Variants in XRCC4 observed in about 807,000 individuals in gnomAD.
XRCC4 encodes X-ray repair cross complementing 4.
A neutral mutation model predicts 39.1 loss-of-function variants in XRCC4; 28 were observed. The ratio of observed to expected loss-of-function variants is 0.72; its 90% confidence interval spans 0.53 to 0.98. The LOEUF is 0.98. Among genes scored for constraint, XRCC4 ranks in the 50% least tolerant of loss-of-function variants. The pLI is 0.00. For missense variants in XRCC4, 350 were observed against 376.4 expected (o/e 0.93, Z 0.58); for synonymous variants, 123 against 126.4 (o/e 0.97, Z 0.18).
chr5:83,144,054 CT>C (rs1362750102), intron 3 of XRCC4, among the ~76,000 whole-genome samples: 2 of 152,022 alleles, frequency 1.3e-5, no homozygotes, highest in African/African-American at 4.8e-5. Flanking sequence ...CCTCATTCCC[CT>C]CTGCCTTCCC....
chr5:83,085,747 A>G (rs982368104), intron 1 of XRCC4, among the ~76,000 whole-genome samples: 1 of 152,196 alleles, frequency 6.6e-6, no homozygotes, highest in South Asian at 2.1e-4. Flanking sequence ...TTATACTCTG[A>G]TAACTTCTTA....
intron 7 of XRCC4, among the ~76,000 whole-genome samples, chr5:83,347,603 C>T (rs1266893279): frequency 6.6e-6 from 1 of 152,214 alleles, no homozygotes; most frequent in African/African-American, 2.4e-5. Flanking sequence ...CACCAGGCCA[C>T]TCCTCCAACA....
chr5:83,195,929 C>A lies in XRCC4; in HGVS notation c.475C>A (p.Gln159Lys). Residue 159 changes from glutamine to lysine, a missense_variant, in exon 4 of 8, where the codon CAA becomes AAA. Gln to Lys is a moderately conservative substitution (Grantham distance 53). Coordinates refer to ENST00000396027, the MANE Select transcript of XRCC4 (RefSeq NM_003401.5). ...GCTTCTGAGAGATTGGAATGATGTT[C>A]AAGGACGGTGTGTACACAGTTTGCT... The part of the protein sequence containing the change: ...ERLLRDWNDV[Q>K]GRFEKCVSAK... The A allele has an allele frequency of 6.2e-7, 1 of 1,607,562 alleles. No individual in the cohort carries two copies.
the XRCC4 span, among the ~76,000 whole-genome samples, chr5:83,360,188 G>A: frequency 1.3e-5 from 2 of 152,090 alleles, no homozygotes; most frequent in African/African-American, 4.8e-5. Context: ...TTACGACAAG[G>A]AGTTCTCTCT....
chr5:83,254,342 T>C (rs572619398), intron 6 of XRCC4, among the ~76,000 whole-genome samples: 13 of 152,182 alleles, frequency 8.5e-5, no homozygotes, highest in Non-Finnish European at 1.8e-4. Context: ...TTATCCTGTC[T>C]CATTTCCTGC....
intron 7 of XRCC4, among the ~76,000 whole-genome samples, chr5:83,270,759 G>A (rs192262457): frequency 0.042 from 5,847 of 139,978 alleles, 131 homozygotes; most frequent in East Asian, 0.11. Context: ...TCATTTTTTC[G>A]AAAAAAAAAA....
chr5:83,342,564 A>C (rs1407508622), intron 7 of XRCC4, among the ~76,000 whole-genome samples: 1 of 152,204 alleles, frequency 6.6e-6, no homozygotes, highest in African/African-American at 2.4e-5. Context: ...TGAAAATAAC[A>C]AATGCAATTT....
At chr5:83,307,910 C>T (rs151094638) in intron 7 of XRCC4, among the ~76,000 whole-genome samples, 26 of 152,212 alleles carry the variant, frequency 1.7e-4, no homozygotes, top group East Asian at 5.8e-4. Context: ...AATAGCTTAG[C>T]GTTAACACTA....
chr5:83,161,220 C>T (rs1490763410), intron 3 of XRCC4, among the ~76,000 whole-genome samples: 1 of 151,718 alleles, frequency 6.6e-6, no homozygotes, highest in Non-Finnish European at 1.5e-5. Context: ...AAGCAATTCT[C>T]CTGCCTCAGC....
At chr5:83,236,510 A>AT (rs753923026) in intron 6 of XRCC4, among the ~76,000 whole-genome samples, 2 of 152,162 alleles carry the variant, frequency 1.3e-5, no homozygotes, top group Non-Finnish European at 2.9e-5. Flanking sequence ...GGATATCTAT[A>AT]TGCAGAAAAA....
At chr5:83,254,266 T>C (rs1332011595) in intron 6 of XRCC4, among the ~76,000 whole-genome samples, 1 of 152,134 alleles carries the variant, frequency 6.6e-6, no homozygotes, top group Non-Finnish European at 1.5e-5. Flanking sequence ...ATTTGAAAAC[T>C]TGCAAGCTGA....
At chr5:83,148,915 A>AT (rs965222984) in intron 3 of XRCC4, among the ~76,000 whole-genome samples, 3 of 152,166 alleles carry the variant, frequency 2.0e-5, no homozygotes, top group African/African-American at 4.8e-5. Flanking sequence ...AAATTAATAC[A>AT]TTTTTTGTAA....
chr5:83,106,730 C>T (rs141793876), intron 2 of XRCC4, among the ~76,000 whole-genome samples: 29 of 151,958 alleles, frequency 1.9e-4, no homozygotes, highest in African/African-American at 7.0e-4. Context: ...CTAGATGGTA[C>T]TGATTTATAC....
At chr5:83,321,265 G>T (rs1436514673) in intron 7 of XRCC4, among the ~76,000 whole-genome samples, 1 of 152,160 alleles carries the variant, frequency 6.6e-6, no homozygotes, top group Non-Finnish European at 1.5e-5. Context: ...TGTATGCAAA[G>T]TGTGTCTGTA....
At chr5:83,209,083 AGT>A (rs35019637) in intron 6 of XRCC4, among the ~76,000 whole-genome samples, 14,644 of 143,526 alleles carry the variant, frequency 0.1, 889 homozygotes, top group East Asian at 0.22. Flanking sequence ...CTCCAAAGTG[AGT>A]GTGTGTGTGT....
intron 6 of XRCC4, among the ~76,000 whole-genome samples, chr5:83,206,450 A>G (rs1211731532): frequency 6.6e-6 from 1 of 152,146 alleles, no homozygotes; most frequent in Non-Finnish European, 1.5e-5. Flanking sequence ...CTGCTGATTG[A>G]TGGATTTAGC....
chr5:83,330,452 G>T (rs1466024906), intron 7 of XRCC4, among the ~76,000 whole-genome samples: 1 of 151,918 alleles, frequency 6.6e-6, no homozygotes, highest in Non-Finnish European at 1.5e-5. Context: ...TAGCTACAGT[G>T]ATTCCATTTT....
At chr5:83,156,767 A>C (rs1748985348) in intron 3 of XRCC4, among the ~76,000 whole-genome samples, 1 of 152,118 alleles carries the variant, frequency 6.6e-6, no homozygotes, top group Non-Finnish European at 1.5e-5. Context: ...CATTTTTGGA[A>C]GATGCAGATG....
intron 7 of XRCC4, among the ~76,000 whole-genome samples, chr5:83,286,451 C>T (rs1345323731): frequency 1.3e-5 from 2 of 152,052 alleles, no homozygotes; most frequent in Non-Finnish European, 2.9e-5. Flanking sequence ...TATTTAGCCC[C>T]ATGTGATTAT....
Sources: gnomAD v4.1 joint callset for allele counts (sites outside exome capture counted in the v4.1 genomes callset) on GRCh38, gnomAD v4.1.1 for gene constraint, MANE v1.5 for transcripts, NCBI Gene and HGNC (gene_info 2026-07-23, HGNC 2026-07-21) for gene names.